The following ZNF584 variants were observed in gnomAD, a reference collection of about 807,000 sequenced individuals.
ZNF584 encodes the protein zinc finger protein 584.
A neutral mutation model predicts 14.7 loss-of-function variants in ZNF584; 12 were observed. The ratio of observed to expected loss-of-function variants is 0.82; its 90% CI spans 0.52 to 1.32. The LOEUF (loss-of-function observed/expected upper bound fraction) is 1.32, where lower values mean the gene tolerates loss of function less well. Ranked by LOEUF, ZNF584 falls within the 40% of genes most tolerant of loss-of-function variation. The pLI, the probability that ZNF584 is intolerant of heterozygous loss-of-function variation, is 0.00. For synonymous variants in ZNF584, 204 were observed against 190.9 expected, an observed-to-expected ratio of 1.07 and a Z score of -0.57; for missense variants, 478 against 518.8, an observed-to-expected ratio of 0.92 and a Z score of 0.76.
chr19:58,414,667 T>C (rs535244090), intron 2 of ZNF584, among the ~76,000 whole-genome samples: 7 of 151,952 alleles, frequency 4.6e-5, no homozygotes, highest in African/African-American at 1.4e-4. Flanking sequence ...TCCTAGCAAA[T>C]GGTATGTTCT....
intron 2 of ZNF584, among the ~76,000 whole-genome samples, chr19:58,415,269 C>A (rs375426466): frequency 3.9e-5 from 6 of 152,090 alleles, no homozygotes; most frequent in Admixed American, 3.9e-4. Context: ...GACTCACTGA[C>A]GCTTTGACCT....
rs995914572 is a variant in ZNF584, at chr19:58,410,003, C to T, written c.81C>T (p.Ser27=). 6.2e-7 allele frequency: 1 copy of T among 1,613,958 alleles called. No homozygotes were observed. The highest frequency in any genetic ancestry group is 1.1e-5 in the South Asian group (1 of 91,072). The change falls in exon 2 of 4, where the codon TCC becomes TCT. Residue 27 remains serine, a synonymous_variant. Coordinates refer to ENST00000306910, the MANE Select transcript of ZNF584 (RefSeq NM_173548.3). ...VMFEDVTVYF[S]REEWGLLNVT... ...TTGAGGATGTGACGGTATATTTCTC[C>T]AGGGAGGAGTGGGGGCTCCTTAATG...
rs2052659390 is a variant in ZNF584, at chr19:58,417,435, T to C, written c.917T>C (p.Phe306Ser). The change falls in exon 4 of 4, where the codon TTC becomes TCC. Residue 306 changes from phenylalanine to serine, a missense_variant. Phe to Ser is a radical substitution (Grantham distance 155). Coordinates refer to ENST00000306910, the MANE Select transcript of ZNF584 (RefSeq NM_173548.3). ...RPYECTECGK[F>S]FKYNNSFILH... ...TATGAGTGTACAGAATGTGGGAAGT[T>C]CTTTAAATACAATAATAGCTTCATT... The C allele has an allele frequency of 4.4e-6, 7 of 1,603,228 alleles. No homozygotes were observed. The highest frequency in any genetic ancestry group is 6.0e-6 in the Non-Finnish European group (7 of 1,171,204).
chr19:58,409,907 T>C, intron 1 of ZNF584, 34 bp from the exon 2 acceptor site: 1 of 1,613,936 alleles, frequency 6.2e-7, no homozygotes, highest in East Asian at 2.2e-5. Context: ...GTCCATATTT[T>C]GGTTGTTTTT....
Position 58,417,652 on chromosome 19 carries a change from A to G in ZNF584, c.1134A>G (p.Glu378=). Residue 378 remains glutamate (E), a synonymous_variant, in exon 4 of 4, where the codon GAA becomes GAG. Coordinates refer to ENST00000306910, the MANE Select transcript of ZNF584 (RefSeq NM_173548.3). The part of the protein sequence containing the change: ...YRNRHQQFHT[E]ERSYECTECG... Reference sequence around the variant, plus strand: ...ATCGGCACCAGCAGTTCCACACTGAAGAGAGGTCTTATGAATGTACAGAGT... The same window carrying G: ...ATCGGCACCAGCAGTTCCACACTGAGGAGAGGTCTTATGAATGTACAGAGT... 6.2e-7 allele frequency: 1 copy of G among 1,614,076 alleles called. No individual in the cohort carries two copies. The highest frequency in any genetic ancestry group is 2.2e-5 in the East Asian group (1 of 44,876).
At chr19:58,411,336 G>A (rs1348805188) in intron 2 of ZNF584, among the ~76,000 whole-genome samples, 2 of 151,718 alleles carry the variant, frequency 1.3e-5, no homozygotes, top group East Asian at 2.0e-4. Context: ...AGACCAGCGT[G>A]GTCAACATGG....
chr19:58,409,031 C>A lies in ZNF584; in HGVS notation c.-117C>A. ...CGGTTCCCTGTCTTCGGACGCATTT[C>A]ACCCGCGCGGGGAGAGCTTCCCGGG... is the stretch of plus-strand genomic sequence containing the variant. On this transcript the variant is annotated 5_prime_UTR_variant, in exon 1 of 4. Coordinates refer to ENST00000306910, the MANE Select transcript of ZNF584 (RefSeq NM_173548.3). 7.5e-7 allele frequency: 1 copy of A among 1,333,430 alleles called. No homozygotes were observed. Among genetic ancestry groups the A allele is most frequent in the Non-Finnish European group, 1.0e-6 (1 of 1,004,684 alleles). 82.6% of individuals were successfully genotyped at this position (1,333,430 alleles called of 1,614,324 possible).
chr19:58,409,778 T>A (rs765144261), intron 1 of ZNF584, among the ~76,000 whole-genome samples, 163 bp from the exon 2 acceptor site: 7 of 151,990 alleles, frequency 4.6e-5, no homozygotes, highest in Non-Finnish European at 1.0e-4. Context: ...AAGGAAGGTA[T>A]AAGGGTATGT....
intron 3 of ZNF584, chr19:58,416,563 C>T (rs1390510785): frequency 4.4e-5 from 15 of 340,064 alleles, no homozygotes; most frequent in Non-Finnish European, 6.9e-5. Flanking sequence ...TCACCACACC[C>T]GGCTAATTTT....
At chr19:58,412,621 A>G (rs2052591336) in intron 2 of ZNF584, among the ~76,000 whole-genome samples, 3 of 152,192 alleles carry the variant, frequency 2.0e-5, no homozygotes, top group South Asian at 4.1e-4. Flanking sequence ...TAGTTTTCTT[A>G]TAATGTCTCT....
In ZNF584 at chr19:58,410,635, GTATA is replaced by G. The variant is rs1209057487; in HGVS notation, c.169+550_169+553del. Among the ~76,000 whole-genome samples, 5 of 37,752 alleles carry G rather than the reference GTATA, an allele frequency of 1.3e-4. 1 individual carries two copies. The highest frequency in any genetic ancestry group is 1.3e-3 in the East Asian group (3 of 2,318). The allele number at this position is 37,752 out of a possible 152,430, so 24.8% of individuals were successfully genotyped here. The stretch of plus-strand genomic sequence containing the variant: ...TATGTGTATATATGTGTATATATGT[GTATA>G]TATATGTGTATATATGTGTATATAT... On this transcript the variant is annotated intron_variant, in intron 2 of 3. Coordinates refer to ENST00000306910, the MANE Select transcript of ZNF584 (RefSeq NM_173548.3).
In ZNF584 at chr19:58,417,882, A is replaced by G; in HGVS notation, c.*98A>G. 7.0e-7 allele frequency: 1 copy of G among 1,432,958 alleles called. No individual in the cohort carries two copies. Among genetic ancestry groups the G allele is most frequent in the Non-Finnish European group, 9.4e-7 (1 of 1,061,752 alleles). The allele number at this position is 1,432,958 out of a possible 1,614,324, so 88.8% of individuals were successfully genotyped here. On this transcript the variant is annotated 3_prime_UTR_variant, in exon 4 of 4. Coordinates refer to ENST00000306910, the MANE Select transcript of ZNF584 (RefSeq NM_173548.3). The stretch of plus-strand genomic sequence containing the variant: ...AAGAAGCTAAACCTTGCACATCCCA[A>G]CACCCACCCCAGGGAGAGTTCCCGT...
rs1568584359 is a variant in ZNF584 at position 58,410,544 on chromosome 19, T to TTTTTTTTTTTTTTTTTTTTTTGAGACAG, written c.169+453_169+454insTTTTTTTTTTTTTTTTTTTTTGAGACAG. ...ATATATATATATATATATATATATA[T>TTTTTTTTTTTTTTTTTTTTTTGAGACAG]ATATATATATATATGTGTATATATA... is the stretch of plus-strand genomic sequence containing the variant. On this transcript the variant is annotated intron_variant, in intron 2 of 3. Transcript: ENST00000306910. Among the ~76,000 whole-genome samples the TTTTTTTTTTTTTTTTTTTTTTGAGACAG allele has an allele frequency of 1.1e-4, 7 of 61,730 alleles. 2 individuals carry two copies. The highest frequency in any genetic ancestry group is 6.0e-4 in the African/African-American group (5 of 8,300). The allele number at this position is 61,730 out of a possible 152,430, so 40.5% of individuals were successfully genotyped here. A position where few individuals can be genotyped will look rare whatever the true frequency, so the allele number is the denominator to read the frequency against.
chr19:58,417,881 A>G lies in ZNF584; in HGVS notation c.*97A>G, dbSNP rs1166025214. 6 of 1,436,602 alleles carry G rather than the reference A, an allele frequency of 4.2e-6. No individual in the cohort carries two copies. Among genetic ancestry groups the G allele is most frequent in the South Asian group, 1.4e-5 (1 of 73,084 alleles). The allele number at this position is 1,436,602 out of a possible 1,614,324, so 89.0% of individuals were successfully genotyped here. Reference sequence around the variant, plus strand: ...AAAGAAGCTAAACCTTGCACATCCCAACACCCACCCCAGGGAGAGTTCCCG... The same window carrying G: ...AAAGAAGCTAAACCTTGCACATCCCGACACCCACCCCAGGGAGAGTTCCCG... On this transcript the variant is annotated 3_prime_UTR_variant, in exon 4 of 4. Transcript: ENST00000306910.
intron 1 of ZNF584, among the ~76,000 whole-genome samples, chr19:58,403,486 A>T (rs1267792223): frequency 7.1e-6 from 1 of 141,162 alleles, no homozygotes; most frequent in Non-Finnish European, 1.6e-5. Flanking sequence ...AGAGACAGTA[A>T]AGCAGTGACT....
intron 2 of ZNF584, 78 bp downstream of exon 2, chr19:58,410,169 C>G: frequency 6.7e-7 from 1 of 1,495,272 alleles, no homozygotes; most frequent in Non-Finnish European, 8.9e-7. Context: ...CATAACGAAG[C>G]CAGACCATGG....
chr19:58,410,028 G>A lies in ZNF584; in HGVS notation c.106G>A (p.Val36Met). The A allele has an allele frequency of 6.2e-7, 1 of 1,614,048 alleles. No homozygotes were observed. The highest frequency in any genetic ancestry group is 8.5e-7 in the Non-Finnish European group (1 of 1,180,004). ...CAGGGAGGAGTGGGGGCTCCTTAAT[G>A]TGACCCAGAAGGGCCTATACCGGGA... ...FSREEWGLLNVTQKGLYRDVM... is the reference protein window; with the variant it reads ...FSREEWGLLNMTQKGLYRDVM... Residue 36 changes from valine (V) to methionine (M), a missense_variant, in exon 2 of 4, where the codon GTG becomes ATG. Val to Met is a conservative substitution (Grantham distance 21, BLOSUM62 1). Around this residue, in one of 3 missense-constraint regions of ZNF584, gnomAD observed 189 missense variants for 177.9 expected, o/e 1.06. Transcript: ENST00000306910.
intron 3 of ZNF584, chr19:58,415,965 A>G: frequency 1.9e-6 from 3 of 1,592,646 alleles, no homozygotes; most frequent in Non-Finnish European, 2.6e-6. Context: ...GCCAATCCTT[A>G]ATTAATACTT....
chr19:58,405,594 C>T (rs1192632622), upstream of ZNF584: 19 of 161,968 alleles, frequency 1.2e-4, no homozygotes, highest in Non-Finnish European at 2.2e-4. Context: ...TCAGACGGGG[C>T]GGCTGCCGGG....
Sources: gnomAD v4.1 joint callset for allele counts (sites outside exome capture counted in the v4.1 genomes callset) on GRCh38, gnomAD v4.1.1 for gene constraint, gnomAD v4.1.1 regional missense constraint, MANE v1.5 for transcripts, NCBI Gene and HGNC (gene_info 2026-07-23, HGNC 2026-07-21) for gene names.